The following RAD51B variants were observed in gnomAD, a reference collection of about 807,000 sequenced individuals.
The protein encoded by RAD51B is DNA repair protein RAD51 homolog 2.
A neutral mutation model predicts 42.2 loss-of-function variants in RAD51B; 38 were observed. The ratio of observed to expected loss-of-function variants is 0.90; its 90% CI spans 0.70 to 1.18. The LOEUF (loss-of-function observed/expected upper bound fraction) is 1.18, where lower values mean the gene tolerates loss of function less well. RAD51B is among the 50% of genes most tolerant of loss of function. RAD51B has a pLI of 0.00. For synonymous variants in RAD51B, 154 were observed against 145.2 expected, an observed-to-expected ratio of 1.06 and a Z score of -0.43; for missense variants, 373 against 400.7, an observed-to-expected ratio of 0.93 and a Z score of 0.59.
At chr14:68,279,365 GAT>G (rs1373849061) in intron 7 of RAD51B, among the ~76,000 whole-genome samples, 2 of 152,192 alleles carry the variant, frequency 1.3e-5, no homozygotes, top group African/African-American at 4.8e-5. Context: ...AGAACTCCAG[GAT>G]TCTGAATTCA....
At chr14:68,320,186 G>A (rs1339288169) in intron 8 of RAD51B, among the ~76,000 whole-genome samples, 1 of 152,122 alleles carries the variant, frequency 6.6e-6, no homozygotes, top group Non-Finnish European at 1.5e-5. Context: ...AATTAATAGA[G>A]TACTTTCGGT....
intron 7 of RAD51B, among the ~76,000 whole-genome samples, chr14:68,249,629 C>T (rs539528783): frequency 2.0e-5 from 3 of 152,306 alleles, no homozygotes; most frequent in Non-Finnish European, 2.9e-5. Context: ...CACATACTTA[C>T]ATCACACCCT....
intron 7 of RAD51B, among the ~76,000 whole-genome samples, chr14:67,944,638 G>A (rs1283628568): frequency 5.3e-5 from 8 of 152,110 alleles, no homozygotes; most frequent in Non-Finnish European, 1.2e-4. Context: ...CTAATTGTAT[G>A]AATTTTATTA....
chr14:68,292,951 A>G (rs1037741492), intron 8 of RAD51B, among the ~76,000 whole-genome samples: 6 of 152,222 alleles, frequency 3.9e-5, no homozygotes, highest in African/African-American at 1.4e-4. Context: ...AACCTGAATC[A>G]TCGAGCATTC....
At chr14:68,221,748 C>T (rs528682524) in intron 7 of RAD51B, among the ~76,000 whole-genome samples, 1 of 152,332 alleles carries the variant, frequency 6.6e-6, no homozygotes, top group South Asian at 2.1e-4. Flanking sequence ...AGTTAACAAA[C>T]AACCCACAGA....
chr14:67,860,806 C>T (rs1177132852), intron 4 of RAD51B, among the ~76,000 whole-genome samples: 1 of 152,174 alleles, frequency 6.6e-6, no homozygotes. Context: ...TCTGTTGCAT[C>T]ATCCTTAGGT....
At chr14:68,530,792 G>A (rs528895000) in intron 10 of RAD51B, among the ~76,000 whole-genome samples, 3 of 151,940 alleles carry the variant, frequency 2.0e-5, no homozygotes, top group African/African-American at 7.2e-5. Context: ...TTCAAGGCAG[G>A]ACATAGAAAT....
chr14:68,181,961 G>A (rs528327446), intron 7 of RAD51B, among the ~76,000 whole-genome samples: 126 of 152,208 alleles, frequency 8.3e-4, no homozygotes, highest in African/African-American at 2.9e-3. Flanking sequence ...TTTTCATTTA[G>A]ATCCATTGCC....
At chr14:68,405,931 G>A (rs2084261352) in intron 8 of RAD51B, among the ~76,000 whole-genome samples, 1 of 150,524 alleles carries the variant, frequency 6.6e-6, no homozygotes, top group South Asian at 2.1e-4. Flanking sequence ...AGCCTCCCTT[G>A]ATCCCATCAC....
chr14:68,108,550 A>G (rs2077412231), intron 7 of RAD51B, among the ~76,000 whole-genome samples: 1 of 151,968 alleles, frequency 6.6e-6, no homozygotes, highest in Admixed American at 6.6e-5. Context: ...CAAAATGTTC[A>G]GAATAGGCAA....
At chr14:68,331,218 T>C (rs1000845596) in intron 8 of RAD51B, among the ~76,000 whole-genome samples, 17 of 151,040 alleles carry the variant, frequency 1.1e-4, no homozygotes, top group African/African-American at 4.1e-4. Flanking sequence ...AAAAATTAGC[T>C]GGGCATGGTG....
Position 68,180,430 on chromosome 14 carries a change from G to A in RAD51B, c.757-111454G>A, listed in dbSNP as rs190012935. On this transcript the variant is annotated intron_variant, in intron 7 of 10. Transcript: ENST00000471583. ...TGTTAGAGAGGGCCGGGGTAGAGGAGTACTCTTTTTAAGAAAAGTAGTTGA... is the reference window on the plus strand; with the variant it reads ...TGTTAGAGAGGGCCGGGGTAGAGGAATACTCTTTTTAAGAAAAGTAGTTGA... 7.9e-5 allele frequency among the ~76,000 whole-genome samples: 12 copies of A among 152,260 alleles called. No individual in the cohort carries two copies. In the East Asian group the frequency reaches 1.9e-3, roughly 24 times the overall value.
intron 8 of RAD51B, among the ~76,000 whole-genome samples, 181 bp from the exon 9 acceptor site, chr14:68,411,243 G>C (rs1298880495): frequency 6.6e-6 from 1 of 152,094 alleles, no homozygotes; most frequent in African/African-American, 2.4e-5. Context: ...AACCCCTGCT[G>C]GTTTTTAGTC....
At chr14:68,581,870 T>C (rs1215223062) in intron 10 of RAD51B, among the ~76,000 whole-genome samples, 1 of 152,218 alleles carries the variant, frequency 6.6e-6, no homozygotes, top group East Asian at 1.9e-4. Flanking sequence ...TACAACCATC[T>C]GATCTTTGAC....
intron 9 of RAD51B, among the ~76,000 whole-genome samples, chr14:68,463,700 AG>A (rs2085904554): frequency 6.6e-6 from 1 of 152,208 alleles, no homozygotes; most frequent in African/African-American, 2.4e-5. Flanking sequence ...CCCATAGAAA[AG>A]CAATATGAAT....
Position 68,029,002 on chromosome 14 carries a change from C to G in RAD51B, c.756+141798C>G, listed in dbSNP as rs1350620132. ...AATATCCATGGTGGATGTGGGTTCC[C>G]CTGTAGCTAGGATTCCAGAGGTCCA... On this transcript the variant is annotated intron_variant, in intron 7 of 10. Transcript: ENST00000471583. 2.0e-5 allele frequency among the ~76,000 whole-genome samples: 3 copies of G among 152,324 alleles called. No homozygotes were observed. In the East Asian group the frequency reaches 5.8e-4, roughly 29 times the overall value.
chr14:67,889,432 G>A (rs2140060773), intron 7 of RAD51B, among the ~76,000 whole-genome samples: 1 of 149,720 alleles, frequency 6.7e-6, no homozygotes, highest in East Asian at 1.9e-4. Flanking sequence ...TGTTATATAT[G>A]ATAATTTGCT....
chr14:67,970,333 T>C (rs558924717), intron 7 of RAD51B, among the ~76,000 whole-genome samples: 1 of 152,220 alleles, frequency 6.6e-6, no homozygotes, highest in South Asian at 2.1e-4. Flanking sequence ...TTTGTTCTTT[T>C]AGGCCAGCAA....
chr14:68,205,616 CT>C (rs371404440), intron 7 of RAD51B, among the ~76,000 whole-genome samples: 23 of 147,138 alleles, frequency 1.6e-4, no homozygotes, highest in East Asian at 2.0e-4. Context: ...CTTTTCTTTT[CT>C]TTTTTTTTTA....
Sources: allele counts gnomAD v4.1 joint callset (sites outside exome capture counted in the v4.1 genomes callset), GRCh38; gene constraint gnomAD v4.1.1; transcripts MANE v1.5; gene names NCBI Gene and HGNC (gene_info 2026-07-23, HGNC 2026-07-21).